The following GLYATL1 variants were observed in gnomAD, a reference collection of about 807,000 sequenced individuals.
GLYATL1 encodes glycine-N-acyltransferase like 1.
Under a neutral mutation model 20.0 loss-of-function variants are expected in GLYATL1, and 15 were observed. The ratio of observed to expected loss-of-function variants is 0.75; its 90% confidence interval spans 0.50 to 1.15. The LOEUF (loss-of-function observed/expected upper bound fraction) is 1.15, where lower values mean the gene tolerates loss of function less well. GLYATL1 is among the 50% of genes most tolerant of loss of function. The pLI is 0.00. For synonymous variants in GLYATL1, 151 were observed against 131.5 expected (o/e 1.15, Z -1.01); for missense variants, 380 against 368.5 (o/e 1.03, Z -0.26).
At chr11:58,918,533 C>T (rs1472634042) in intron 1 of GLYATL1, among the ~76,000 whole-genome samples, 1 of 152,116 alleles carries the variant, frequency 6.6e-6, no homozygotes, top group Non-Finnish European at 1.5e-5. Flanking sequence ...CTTCTATGAG[C>T]TCTTCTCCTT....
chr11:58,920,012 T>C (rs562992040), intron 1 of GLYATL1, among the ~76,000 whole-genome samples: 1 of 152,310 alleles, frequency 6.6e-6, no homozygotes, highest in Non-Finnish European at 1.5e-5. Context: ...GCCCTTTCAT[T>C]TGAAATGTAG....
At chr11:58,919,998 C>G (rs1198986628) in intron 1 of GLYATL1, among the ~76,000 whole-genome samples, 1 of 152,192 alleles carries the variant, frequency 6.6e-6, no homozygotes, top group African/African-American at 2.4e-5. Flanking sequence ...TTTGGGCAAA[C>G]CAGGCCCTTT....
intron 1 of GLYATL1, among the ~76,000 whole-genome samples, chr11:58,921,492 C>CTGTTCCTCACAGGATATA (rs1206607561): frequency 6.6e-6 from 1 of 152,180 alleles, no homozygotes; most frequent in Non-Finnish European, 1.5e-5. Flanking sequence ...GTATGGTAGC[C>CTGTTCCTCACAGGATATA]CTTGGCCAGT....
intron 1 of GLYATL1, among the ~76,000 whole-genome samples, chr11:58,918,552 G>A (rs1304947796): frequency 6.6e-6 from 1 of 152,164 alleles, no homozygotes; most frequent in Non-Finnish European, 1.5e-5. Context: ...TTATAGCATA[G>A]ATATGGTTGC....
upstream of GLYATL1, among the ~76,000 whole-genome samples, chr11:58,937,122 TGCCACCA>T (rs1855871515): frequency 6.6e-6 from 1 of 152,218 alleles, no homozygotes; most frequent in Non-Finnish European, 1.5e-5. Flanking sequence ...TTCTGTGTCT[TGCCACCA>T]GCCACCAGTC....
intron 2 of GLYATL1, among the ~76,000 whole-genome samples, chr11:58,944,729 T>C (rs951618700): frequency 2.2e-4 from 34 of 152,148 alleles, no homozygotes; most frequent in African/African-American, 7.0e-4. Context: ...TTCTGTAGTC[T>C]TCACAGTGAC....
rs1337695797 is a variant in GLYATL1 at position 58,917,365 on chromosome 11, TAACAGCCA to T, written n.264+11709_264+11716del. 3.9e-5 allele frequency: 6 copies of T among 152,248 alleles called. 1 individual carries two copies. Among genetic ancestry groups the T allele is most frequent in the African/African-American group, 1.4e-4 (6 of 41,530 alleles). 9.4% of individuals were successfully genotyped at this position (152,248 alleles called of 1,614,324 possible). On this transcript the variant is annotated intron_variant and non_coding_transcript_variant, in intron 1 of 2. Coordinates refer to the GLYATL1 transcript ENST00000534674. ...CTGAGTGCACTCAGACCCAGCAGAT[TAACAGCCA>T]AACACTGGTCCCAGAACAAAGACAG...
chr11:58,937,348 C>T (rs1171633619), upstream of GLYATL1, among the ~76,000 whole-genome samples: 11 of 152,200 alleles, frequency 7.2e-5, no homozygotes, highest in South Asian at 4.1e-4. Context: ...ATAGAGCAAG[C>T]ATTGCTGGGG....
At chr11:58,954,925 G>A (rs1404595926) in intron 5 of GLYATL1, 29 bp downstream of exon 5, 17 of 1,595,130 alleles carry the variant, frequency 1.1e-5, no homozygotes, top group African/African-American at 4.1e-5. Context: ...TGGGCAAGCA[G>A]CTGTGCTTCT....
chr11:58,914,600 G>C (rs1032893903), intron 1 of GLYATL1, among the ~76,000 whole-genome samples: 6 of 152,094 alleles, frequency 3.9e-5, no homozygotes, highest in African/African-American at 1.4e-4. Context: ...CCCTGGGTGG[G>C]GATTTCCATA....
At position 58,954,758 on chromosome 11, in the gene GLYATL1, C is replaced by T; in HGVS notation, c.187-12C>T. ...TCAAGGGAATGACCTGATCTTATAT[C>T]ATCCAATACAGGAGATGACTGATGA... On this transcript the variant is annotated splice_polypyrimidine_tract_variant and intron_variant, in intron 4 of 6. Coordinates refer to ENST00000532726, the MANE Select transcript of GLYATL1 (RefSeq NM_001389712.2). 6.3e-7 allele frequency: 1 copy of T among 1,583,722 alleles called. No homozygotes were observed. The highest frequency in any genetic ancestry group is 8.6e-7 in the Non-Finnish European group (1 of 1,167,982).
upstream of GLYATL1, chr11:58,935,809 A>G (rs2135151901): frequency 6.6e-6 from 1 of 152,292 alleles, no homozygotes; most frequent in African/African-American, 2.4e-5. Flanking sequence ...TTAGGAGGTG[A>G]TGAATATGTT....
At chr11:58,947,610 C>T in intron 3 of GLYATL1, 1 of 522,492 alleles carries the variant, frequency 1.9e-6, no homozygotes, top group South Asian at 2.5e-5. Context: ...AGAGCATTGC[C>T]AAGTGCCCAG....
upstream of GLYATL1, among the ~76,000 whole-genome samples, chr11:58,923,252 ACTTC>A (rs1266255878): frequency 5.3e-5 from 8 of 152,272 alleles, no homozygotes; most frequent in African/African-American, 1.7e-4. Context: ...AGAATTGTAA[ACTTC>A]CTTCCTTCTT....
At chr11:58,944,826 T>C (rs1856449697) in intron 2 of GLYATL1, among the ~76,000 whole-genome samples, 1 of 151,992 alleles carries the variant, frequency 6.6e-6, no homozygotes, top group Admixed American at 6.5e-5. Context: ...ATTTTCCATA[T>C]ATTATGAAAA....
At chr11:58,907,561 G>A (rs1854931290) in exon 2 of GLYATL1, 1 of 357,044 alleles carries the variant, frequency 2.8e-6, no homozygotes, top group African/African-American at 2.1e-5. Flanking sequence ...TCAAGGTAAT[G>A]ACTTTTAATG....
At chr11:58,907,042 A>G (rs1474742957) in intron 1 of GLYATL1, among the ~76,000 whole-genome samples, 1 of 152,140 alleles carries the variant, frequency 6.6e-6, no homozygotes. Flanking sequence ...TTAATTTAGA[A>G]ATGAGGAAAT....
upstream of GLYATL1, among the ~76,000 whole-genome samples, chr11:58,924,860 G>A (rs1855391146): frequency 6.6e-6 from 1 of 152,226 alleles, no homozygotes; most frequent in African/African-American, 2.4e-5. Context: ...TGGAAAGGGA[G>A]TATTTGTTTA....
rs941397698 is a variant in GLYATL1 at position 58,945,972 on chromosome 11, C to T, written c.-42-1074C>T. 3.9e-5 allele frequency among the ~76,000 whole-genome samples: 6 copies of T among 152,328 alleles called. No homozygotes were observed. In the South Asian group the frequency reaches 6.2e-4, roughly 16 times the overall value. On this transcript the variant is annotated intron_variant, in intron 2 of 6. Coordinates refer to ENST00000532726, the MANE Select transcript of GLYATL1 (RefSeq NM_001389712.2). ...GTTTCACCTTGCCTATTACTTAACA[C>T]ATATTTGTTAACTATTTTAACTTCA...
Sources: allele counts gnomAD v4.1 joint callset (sites outside exome capture counted in the v4.1 genomes callset), GRCh38; gene constraint gnomAD v4.1.1; transcripts MANE v1.5; gene names NCBI Gene and HGNC (gene_info 2026-07-23, HGNC 2026-07-21).